SRSF5: variants seen among roughly 807,000 people sequenced by gnomAD.
SRSF5 encodes the protein serine/arginine-rich splicing factor 5.
A neutral mutation model predicts 34.0 loss-of-function variants in SRSF5; 5 were observed. The ratio of observed to expected loss-of-function variants is 0.15; its 90% confidence interval spans 0.08 to 0.31. The LOEUF (loss-of-function observed/expected upper bound fraction) is 0.31, where lower values mean the gene tolerates loss of function less well. SRSF5 is among the 10% of genes least tolerant of loss of function. The pLI, the probability that SRSF5 is intolerant of heterozygous loss-of-function variation, is 1.00. For synonymous variants in SRSF5, 164 were observed against 117.7 expected (o/e 1.39, Z -2.55); for missense variants, 223 against 351.4 (o/e 0.63, Z 2.92).
chr14:69,769,129 A>G (rs111428331), intron 4 of SRSF5, 53 bp from the exon 5 acceptor site: 2 of 1,602,762 alleles, frequency 1.2e-6, no homozygotes, highest in Admixed American at 1.7e-5. Context: ...ACAGTTGAAC[A>G]CAAGTGCTGT....
intron 6 of SRSF5, among the ~76,000 whole-genome samples, 154 bp downstream of exon 6, chr14:69,770,694 T>C (rs1184207885): frequency 6.6e-6 from 1 of 152,184 alleles, no homozygotes; most frequent in Non-Finnish European, 1.5e-5. Flanking sequence ...CCTTTGGCAG[T>C]GTCTGGAGAC....
chr14:69,768,419 C>G (rs760003276), intron 2 of SRSF5, 137 bp downstream of exon 2: 637 of 1,367,800 alleles, frequency 4.7e-4, no homozygotes, highest in Non-Finnish European at 5.9e-4. Flanking sequence ...TTTATTGAGG[C>G]TGAAAACAAC....
intron 5 of SRSF5, 161 bp from the exon 6 acceptor site, chr14:69,770,306 T>C (rs1883047002): frequency 1.4e-6 from 2 of 1,418,698 alleles, no homozygotes; most frequent in Admixed American, 3.2e-5. Flanking sequence ...TGCCCTGACA[T>C]AGATAATTTT....
intron 5 of SRSF5, chr14:69,770,031 A>T (rs1167861729): frequency 9.8e-7 from 1 of 1,021,712 alleles, no homozygotes; most frequent in East Asian, 9.8e-5. Flanking sequence ...GCCTAGGGAA[A>T]TAATAATAAA....
intron 2 of SRSF5, 147 bp from the exon 3 acceptor site, chr14:69,768,457 A>C: frequency 1.7e-6 from 2 of 1,185,076 alleles, no homozygotes; most frequent in Admixed American, 4.1e-5. Context: ...CTGGAACCCC[A>C]CTCCCAGTGG....
At chr14:69,768,937 G>A (rs1371080973) in intron 4 of SRSF5, 41 bp downstream of exon 4, 1 of 1,585,374 alleles carries the variant, frequency 6.3e-7, no homozygotes, top group African/African-American at 1.3e-5. Flanking sequence ...AATTATTGTA[G>A]GGGTAGCATT....
At chr14:69,769,337 A>G in intron 5 of SRSF5, 86 bp downstream of exon 5, 1 of 1,554,436 alleles carries the variant, frequency 6.4e-7, no homozygotes, top group Non-Finnish European at 8.7e-7. Context: ...TTTTATTAAA[A>G]GTAGTTTTAA....
chr14:69,771,589 T>TG lies in SRSF5; in HGVS notation c.*131dup. The TG allele has an allele frequency of 1.9e-6, 1 of 517,122 alleles. No homozygotes were observed. The highest frequency in any genetic ancestry group is 3.2e-6 in the Non-Finnish European group (1 of 310,622). 32.0% of individuals were successfully genotyped at this position (517,122 alleles called of 1,614,324 possible). A position where few individuals can be genotyped will look rare whatever the true frequency, so the allele number is the denominator to read the frequency against. ...TGGGGGTGGGATTTGGAAGGGGGGT[T>TG]GGGTTGGGCTGGATATCTTTGTAGA... is the stretch of plus-strand genomic sequence containing the variant. On this transcript the variant is annotated 3_prime_UTR_variant, in exon 8 of 8. Coordinates refer to ENST00000557154, the MANE Select transcript of SRSF5 (RefSeq NM_001320214.2).
chr14:69,769,057 C>G, intron 4 of SRSF5, 125 bp from the exon 5 acceptor site: 2 of 1,328,684 alleles, frequency 1.5e-6, no homozygotes, highest in Non-Finnish European at 2.1e-6. Flanking sequence ...AGTCATAGAA[C>G]ACAAATCTAT....
Position 69,768,801 on chromosome 14 carries a change from T to A in SRSF5, c.201T>A (p.Val67=). Residue 67 remains valine, a synonymous_variant, in exon 4 of 8, where the codon GTT becomes GTA. Transcript: ENST00000557154. ...LDGKELCSER[V]TIEHARARSR... ...GATTTTTCTTCCCTTTTTGTAGGGT[T>A]ACTATTGAACATGCTAGGGCTCGGT... is the stretch of plus-strand genomic sequence containing the variant. 1 of 1,614,118 alleles carries A rather than the reference T, an allele frequency of 6.2e-7. No individual in the cohort carries two copies. The highest frequency in any genetic ancestry group is 8.5e-7 in the Non-Finnish European group (1 of 1,179,970).
intron 2 of SRSF5, 80 bp from the exon 3 acceptor site, chr14:69,768,524 T>C: frequency 1.4e-6 from 2 of 1,397,252 alleles, no homozygotes; most frequent in East Asian, 4.6e-5. Context: ...TCCCATTCTG[T>C]CTCCTGATTT....
rs781071660 is a variant in SRSF5 at position 69,770,548 on chromosome 14, C to T, written c.440+8C>T. The T allele has an allele frequency of 6.2e-7, 1 of 1,609,412 alleles. No homozygotes were observed. Among genetic ancestry groups the T allele is most frequent in the East Asian group, 2.2e-5 (1 of 44,844 alleles). ...ACCTAAATTAAATGAAGGGTATGTA[C>T]TGGAAACTGTGAAAGTCTTTAAAAA... is the stretch of plus-strand genomic sequence containing the variant. On this transcript the variant is annotated splice_region_variant and intron_variant, in intron 6 of 7. Transcript: ENST00000557154.
chr14:69,767,980 G>T (rs1418745993), intron 1 of SRSF5, 158 bp from the exon 2 acceptor site: 6 of 743,846 alleles, frequency 8.1e-6, no homozygotes, highest in Non-Finnish European at 1.3e-5. Flanking sequence ...TTTTCATTTT[G>T]TCTGCAGGTA....
In SRSF5 at chr14:69,770,351, A is replaced by G. The variant is rs1190622619; in HGVS notation, c.367-116A>G. On this transcript the variant is annotated intron_variant, in intron 5 of 7. Coordinates refer to ENST00000557154, the MANE Select transcript of SRSF5 (RefSeq NM_001320214.2). ...ATAGAATACAAGTGTGGTAAATGCCATGTTTGTACTTTATCTAACATCTTC... is the reference window on the plus strand; with the variant it reads ...ATAGAATACAAGTGTGGTAAATGCCGTGTTTGTACTTTATCTAACATCTTC... The G allele has an allele frequency of 9.5e-6, 14 of 1,473,516 alleles. No individual in the cohort carries two copies. In the South Asian group the frequency reaches 1.4e-4, roughly 15 times the overall value. 91.3% of individuals were successfully genotyped at this position (1,473,516 alleles called of 1,614,324 possible).
rs748355120 is a variant in SRSF5 at position 69,767,183 on chromosome 14, C to T, written c.-92C>T. 46 of 355,876 alleles carry T rather than the reference C, an allele frequency of 1.3e-4. 1 individual carries two copies. Among genetic ancestry groups the T allele is most frequent in the South Asian group, 4.9e-4 (23 of 47,128 alleles). 22.0% of individuals were successfully genotyped at this position (355,876 alleles called of 1,614,324 possible). A position where few individuals can be genotyped will look rare whatever the true frequency, so the allele number is the denominator to read the frequency against. On this transcript the variant is annotated 5_prime_UTR_variant, in exon 1 of 8. Coordinates refer to ENST00000557154, the MANE Select transcript of SRSF5 (RefSeq NM_001320214.2). ...CGTAGACGAGTTAAGTCCTGGTCTG[C>T]GTGGAGGTCGACGACTCCGTCGCAG...
At chr14:69,770,958 A>T (rs767061521) in intron 6 of SRSF5, 37 bp from the exon 7 acceptor site, 6 of 1,552,530 alleles carry the variant, frequency 3.9e-6, no homozygotes, top group Middle Eastern at 2.0e-4. Context: ...AGACTACAGG[A>T]TGTATATACT....
intron 5 of SRSF5, 49 bp downstream of exon 5, chr14:69,769,300 AGTTAATGG>A: frequency 6.2e-7 from 1 of 1,608,788 alleles, no homozygotes; most frequent in Non-Finnish European, 8.5e-7. Flanking sequence ...TTTTTAAAAA[AGTTAATGG>A]GTAGCTAATG....
chr14:69,767,762 T>G lies in SRSF5; in HGVS notation c.-19-376T>G, dbSNP rs1477235423. The G allele has an allele frequency of 8.5e-6, 3 of 352,386 alleles. No homozygotes were observed. The Admixed American group carries it at 1.2e-4, about 14-fold the overall frequency. The allele number at this position is 352,386 out of a possible 1,614,324, so 21.8% of individuals were successfully genotyped here. A position where few individuals can be genotyped will look rare whatever the true frequency, so the allele number is the denominator to read the frequency against. On this transcript the variant is annotated intron_variant, in intron 1 of 7. Coordinates refer to ENST00000557154, the MANE Select transcript of SRSF5 (RefSeq NM_001320214.2). ...GCGAGATTCTGGCTTCCACCCGCTG[T>G]GACGCGCCCGCGAGGCCGCCATTGG...
Position 69,767,204 on chromosome 14 carries a change from C to G in SRSF5, c.-71C>G. 1 of 357,264 alleles carries G rather than the reference C, an allele frequency of 2.8e-6. No homozygotes were observed. Among genetic ancestry groups the G allele is most frequent in the South Asian group, 2.1e-5 (1 of 47,428 alleles). 22.1% of individuals were successfully genotyped at this position (357,264 alleles called of 1,614,324 possible). A position where few individuals can be genotyped will look rare whatever the true frequency, so the allele number is the denominator to read the frequency against. On this transcript the variant is annotated 5_prime_UTR_variant, in exon 1 of 8. Transcript: ENST00000557154. The stretch of plus-strand genomic sequence containing the variant: ...TCTGCGTGGAGGTCGACGACTCCGT[C>G]GCAGACTACGGACCTGTCTGGGTCT...
Sources: allele counts gnomAD v4.1 joint callset (sites outside exome capture counted in the v4.1 genomes callset), GRCh38; gene constraint gnomAD v4.1.1; transcripts MANE v1.5; gene names NCBI Gene and HGNC (gene_info 2026-07-23, HGNC 2026-07-21).